CABLES1: variants seen among roughly 807,000 people sequenced by gnomAD.
CABLES1 encodes Cdk5 and Abl enzyme substrate 1, also known as CDK5 and ABL1 enzyme substrate 1.
A neutral mutation model predicts 57.8 loss-of-function variants in CABLES1; 36 were observed. The ratio of observed to expected loss-of-function variants is 0.62; its 90% CI spans 0.48 to 0.82. The LOEUF is 0.82. Among genes scored for constraint, CABLES1 ranks in the 40% least tolerant of loss-of-function variants. The pLI, the probability that CABLES1 is intolerant of heterozygous loss-of-function variation, is 0.00. For missense variants in CABLES1, 767 were observed against 836.6 expected, an observed-to-expected ratio of 0.92 and a Z score of 1.03; for synonymous variants, 374 against 363.0, an observed-to-expected ratio of 1.03 and a Z score of -0.35.
chr18:23,260,231 A>G lies in CABLES1; in HGVS notation c.*2864A>G, dbSNP rs2048261991. 1.3e-5 allele frequency: 2 copies of G among 152,188 alleles called. No individual in the cohort carries two copies. Among genetic ancestry groups the G allele is most frequent in the Non-Finnish European group, 2.9e-5 (2 of 68,042 alleles). The allele number at this position is 152,188 out of a possible 1,614,324, so 9.4% of individuals were successfully genotyped here. ...TAAAACCTATTTAAACAGGAAATTC[A>G]TACCAAATGCAAATGGGTTTTGTTT... On this transcript the variant is annotated 3_prime_UTR_variant, in exon 10 of 10. Coordinates refer to ENST00000256925, the MANE Select transcript of CABLES1 (RefSeq NM_001100619.3).
chr18:23,190,973 G>A (rs1490410917), intron 2 of CABLES1, among the ~76,000 whole-genome samples: 1 of 151,566 alleles, frequency 6.6e-6, no homozygotes, highest in Non-Finnish European at 1.5e-5. Context: ...GCTGGGCACG[G>A]TGGCTCACAC....
At chr18:23,221,071 G>A (rs927482462) in intron 4 of CABLES1, among the ~76,000 whole-genome samples, 2 of 152,164 alleles carry the variant, frequency 1.3e-5, no homozygotes, top group African/African-American at 4.8e-5. Flanking sequence ...CCTTCAGGAA[G>A]CCATTTAGGG....
At chr18:23,209,902 C>A (rs753828130) in intron 3 of CABLES1, among the ~76,000 whole-genome samples, 8 of 152,264 alleles carry the variant, frequency 5.3e-5, no homozygotes, top group Non-Finnish European at 1.0e-4. Context: ...TTGTGCATCT[C>A]CTGGCTGTTC....
intron 3 of CABLES1, chr18:23,197,940 G>A (rs1026517686): frequency 6.6e-6 from 1 of 152,174 alleles, no homozygotes; most frequent in Non-Finnish European, 1.5e-5. Context: ...TGTTTGCTGG[G>A]TGCCAGGCTC....
chr18:23,162,851 G>A lies in CABLES1; in HGVS notation c.846-25987G>A, dbSNP rs922166319. Among the ~76,000 whole-genome samples the A allele has an allele frequency of 2.0e-5, 3 of 152,144 alleles. No individual in the cohort carries two copies. The East Asian group carries it at 5.8e-4, about 29-fold the overall frequency. The stretch of plus-strand genomic sequence containing the variant: ...GAGTATAAGCAGCGGGAAGAGGGAA[G>A]CAAAGCTGTTCATGTCCTGTGGACT... On this transcript the variant is annotated intron_variant, in intron 1 of 9. Coordinates refer to ENST00000256925, the MANE Select transcript of CABLES1 (RefSeq NM_001100619.3).
At position 23,194,439 on chromosome 18, in the gene CABLES1, A is replaced by AT. The variant is rs745659454; in HGVS notation, c.918-4dup. On this transcript the variant is annotated splice_polypyrimidine_tract_variant and intron_variant, in intron 2 of 9. Coordinates refer to ENST00000256925, the MANE Select transcript of CABLES1 (RefSeq NM_001100619.3). Reference sequence around the variant, plus strand: ...CTGACTGTGTTTTTGAAATGACTTTATTTTTCAGATGTCGAACTCTCTCAG... The same window carrying AT: ...CTGACTGTGTTTTTGAAATGACTTTATTTTTTCAGATGTCGAACTCTCTCAG... 2 of 1,585,216 alleles carry AT rather than the reference A, an allele frequency of 1.3e-6. No homozygotes were observed. The highest frequency in any genetic ancestry group is 2.2e-5 in the East Asian group (1 of 44,736).
rs1012954039 is a variant in CABLES1, at chr18:23,217,725, A to C, written c.1088+3671A>C. Among the ~76,000 whole-genome samples, 7 of 152,268 alleles carry C rather than the reference A, an allele frequency of 4.6e-5. 1 individual carries two copies. Among genetic ancestry groups the C allele is most frequent in the Non-Finnish European group, 1.0e-4 (7 of 68,048 alleles). On this transcript the variant is annotated intron_variant, in intron 4 of 9. Coordinates refer to ENST00000256925, the MANE Select transcript of CABLES1 (RefSeq NM_001100619.3). ...TAAATATACGAATAAATATATACAC[A>C]CACATATTTTAAACAACTTCAGTTC... is the stretch of plus-strand genomic sequence containing the variant.
At chr18:23,146,707 A>G (rs1477331382) in intron 1 of CABLES1, among the ~76,000 whole-genome samples, 1 of 152,200 alleles carries the variant, frequency 6.6e-6, no homozygotes, top group African/African-American at 2.4e-5. Context: ...TTTTTTAAAA[A>G]TCAAGTAATT....
intron 1 of CABLES1, among the ~76,000 whole-genome samples, chr18:23,183,978 G>A (rs756832925): frequency 6.6e-6 from 1 of 152,132 alleles, no homozygotes; most frequent in Non-Finnish European, 1.5e-5. Context: ...AAGGTGTGGG[G>A]GTGGGGCAGA....
At chr18:23,247,610 G>A (rs1440993340) in intron 7 of CABLES1, among the ~76,000 whole-genome samples, 1 of 152,250 alleles carries the variant, frequency 6.6e-6, no homozygotes, top group Non-Finnish European at 1.5e-5. Context: ...AGCCAGAGGA[G>A]CAAACGGAGG....
At chr18:23,188,973 G>C in intron 2 of CABLES1, 64 bp downstream of exon 2, 2 of 1,187,472 alleles carry the variant, frequency 1.7e-6, no homozygotes, top group Non-Finnish European at 2.4e-6. Context: ...GATTGATTTT[G>C]GTTTTTTAAC....
At chr18:23,162,232 G>C (rs896886779) in intron 1 of CABLES1, among the ~76,000 whole-genome samples, 1 of 151,920 alleles carries the variant, frequency 6.6e-6, no homozygotes, top group Non-Finnish European at 1.5e-5. Context: ...TTCACATAAG[G>C]CATAAAGGCC....
At chr18:23,171,127 G>A (rs953954737) in intron 1 of CABLES1, among the ~76,000 whole-genome samples, 5 of 152,214 alleles carry the variant, frequency 3.3e-5, no homozygotes, top group Non-Finnish European at 7.3e-5. Flanking sequence ...AGTTATTGGG[G>A]AGGGAGTGCT....
intron 3 of CABLES1, among the ~76,000 whole-genome samples, chr18:23,208,053 G>A (rs2047377010): frequency 6.6e-6 from 1 of 152,166 alleles, no homozygotes; most frequent in African/African-American, 2.4e-5. Flanking sequence ...CCTTCCTCCT[G>A]TTCCCACCTG....
intron 6 of CABLES1, among the ~76,000 whole-genome samples, chr18:23,236,929 T>C (rs2047621074): frequency 6.6e-6 from 1 of 152,122 alleles, no homozygotes; most frequent in Non-Finnish European, 1.5e-5. Flanking sequence ...TGTCAGGATG[T>C]TAACAATTTG....
At chr18:23,145,119 T>C (rs181400461) in intron 1 of CABLES1, among the ~76,000 whole-genome samples, 1 of 152,234 alleles carries the variant, frequency 6.6e-6, no homozygotes, top group African/African-American at 2.4e-5. Context: ...GTATTTTTAG[T>C]AGAGACGGGG....
intron 1 of CABLES1, among the ~76,000 whole-genome samples, chr18:23,170,287 CAT>C (rs1040017287): frequency 9.8e-5 from 15 of 152,290 alleles, no homozygotes; most frequent in African/African-American, 2.9e-4. Flanking sequence ...GAAATATAAA[CAT>C]GTAACAAGGG....
intron 3 of CABLES1, among the ~76,000 whole-genome samples, chr18:23,204,083 G>A (rs974723035): frequency 6.6e-6 from 1 of 152,178 alleles, no homozygotes; most frequent in African/African-American, 2.4e-5. Flanking sequence ...TTCCTTCACT[G>A]AGATGGTCCC....
chr18:23,157,954 T>C (rs1323312970), intron 1 of CABLES1, among the ~76,000 whole-genome samples: 1 of 152,070 alleles, frequency 6.6e-6, no homozygotes, highest in Non-Finnish European at 1.5e-5. Flanking sequence ...AAGTAAAACA[T>C]TTCCGATCCT....
Sources: allele counts gnomAD v4.1 joint callset (sites outside exome capture counted in the v4.1 genomes callset), GRCh38; gene constraint gnomAD v4.1.1; transcripts MANE v1.5; gene names NCBI Gene and HGNC (gene_info 2026-07-23, HGNC 2026-07-21).